Variants in ANOS1 observed in about 807,000 individuals in gnomAD.
ANOS1 encodes the protein anosmin-1.
In ANOS1, 6 loss-of-function variants were observed where a neutral mutation model predicts 59.0. The ratio of observed to expected loss-of-function variants is 0.10; its 90% CI spans 0.06 to 0.20. The LOEUF is 0.20. Ranked by LOEUF, ANOS1 falls within the 10% of genes least tolerant of loss-of-function variation. The pLI, the probability that ANOS1 is intolerant of heterozygous loss-of-function variation, is 1.00. For synonymous variants in ANOS1, 217 were observed against 223.4 expected (o/e 0.97, Z 0.25); for missense variants, 433 against 542.3 (o/e 0.80, Z 2.00).
At chrX:8,535,920 A>G in intron 11 of ANOS1, 109 bp from the exon 12 acceptor site, 1 of 598,036 alleles carries the variant, frequency 1.7e-6, no homozygotes. Flanking sequence ...ATATTAATAG[A>G]AGCAATGTGA....
chrX:8,576,591 C>A, intron 6 of ANOS1, among the ~76,000 whole-genome samples: 1 of 109,383 alleles, frequency 9.1e-6, no homozygotes, highest in Non-Finnish European at 1.9e-5. Context: ...AAACTCTATA[C>A]GTTATTATAA....
intron 1 of ANOS1, among the ~76,000 whole-genome samples, chrX:8,711,599 A>G (rs1932812855): frequency 8.9e-6 from 1 of 112,862 alleles, no homozygotes; most frequent in Non-Finnish European, 1.9e-5. Flanking sequence ...AGCTGGCAAG[A>G]TGCCAAGTTC....
In ANOS1 at chrX:8,626,860, CA is replaced by C. The variant is rs745349086; in HGVS notation, c.256-3191del. On this transcript the variant is annotated intron_variant, in intron 2 of 13. Coordinates refer to ENST00000262648, the MANE Select transcript of ANOS1 (RefSeq NM_000216.4). ...TGGGCGACAGAGTGATACTCCGTCT[CA>C]AAAAAAAAAAAAAAGAAAAGAAAAA... Among the ~76,000 whole-genome samples, 497 of 59,791 alleles carry C rather than the reference CA, an allele frequency of 8.3e-3. 1 individual carries two copies. The highest frequency in any genetic ancestry group is 0.024 in the African/African-American group (393 of 16,523). 51.9% of individuals were successfully genotyped at this position (59,791 alleles called of 115,157 possible). A position where few individuals can be genotyped will look rare whatever the true frequency, so the allele number is the denominator to read the frequency against.
chrX:8,610,988 C>G (rs772277431), intron 3 of ANOS1, among the ~76,000 whole-genome samples: 5 of 110,624 alleles, frequency 4.5e-5, no homozygotes, highest in Non-Finnish European at 9.4e-5. Flanking sequence ...AAAAAGGGAT[C>G]TACAGAAGCA....
chrX:8,606,131 C>T (rs12843724), intron 3 of ANOS1, among the ~76,000 whole-genome samples: 41,965 of 110,392 alleles, frequency 0.38, 5,801 homozygotes, highest in South Asian at 0.43. Flanking sequence ...AAAAGTTGTC[C>T]AATCCAAGTG....
intron 2 of ANOS1, among the ~76,000 whole-genome samples, chrX:8,691,499 AGATGGATGGATGGATG>A (rs747847381): frequency 1.8e-5 from 2 of 110,951 alleles, no homozygotes; most frequent in Non-Finnish European, 3.8e-5. Flanking sequence ...AGACAGATTA[AGATGGATGGATGGATG>A]GATGGATGGA....
intron 3 of ANOS1, among the ~76,000 whole-genome samples, chrX:8,598,398 T>C (rs1053754678): frequency 6.2e-5 from 7 of 112,258 alleles, no homozygotes; most frequent in African/African-American, 9.7e-5. Flanking sequence ...CAGCACTCGG[T>C]CATCCCTAAG....
chrX:8,547,246 T>C (rs1217005398), intron 9 of ANOS1, among the ~76,000 whole-genome samples: 3 of 111,507 alleles, frequency 2.7e-5, no homozygotes, highest in Non-Finnish European at 3.8e-5. Context: ...TGGCATACCA[T>C]ATAAGCTTCT....
chrX:8,561,610 C>A (rs1320422649), intron 8 of ANOS1, among the ~76,000 whole-genome samples: 1 of 108,697 alleles, frequency 9.2e-6, no homozygotes, highest in African/African-American at 3.4e-5. Context: ...CCACCGCGCC[C>A]AGCCGGCTAA....
At chrX:8,645,352 G>A (rs1398356797) in intron 2 of ANOS1, among the ~76,000 whole-genome samples, 1 of 111,802 alleles carries the variant, frequency 8.9e-6, no homozygotes, top group Non-Finnish European at 1.9e-5. Context: ...GGCAGAATGT[G>A]AATTGACAAA....
chrX:8,669,395 T>A (rs538164686), intron 2 of ANOS1, among the ~76,000 whole-genome samples: 1 of 111,470 alleles, frequency 9.0e-6, no homozygotes, highest in Admixed American at 9.6e-5. Context: ...TTAATAGTAA[T>A]GTATCGATAG....
chrX:8,641,364 A>C (rs2041062), intron 2 of ANOS1, among the ~76,000 whole-genome samples: 27,241 of 111,452 alleles, frequency 0.24, 2,520 homozygotes, highest in East Asian at 0.43. Flanking sequence ...ATGATATAAA[A>C]CAGCATTCCT....
chrX:8,573,993 A>G (rs1320197419), intron 6 of ANOS1, among the ~76,000 whole-genome samples: 1 of 111,208 alleles, frequency 9.0e-6, no homozygotes, highest in East Asian at 2.8e-4. Flanking sequence ...TGATGATTCT[A>G]TACTGCCAGA....
At chrX:8,557,297 T>C (rs1235157995) in intron 8 of ANOS1, among the ~76,000 whole-genome samples, 2 of 111,660 alleles carry the variant, frequency 1.8e-5, no homozygotes, top group African/African-American at 6.5e-5. Flanking sequence ...CCAAAAGCAA[T>C]TGCAACAAAA....
At chrX:8,667,934 G>C (rs1932178886) in intron 2 of ANOS1, among the ~76,000 whole-genome samples, 1 of 111,470 alleles carries the variant, frequency 9.0e-6, no homozygotes, top group Non-Finnish European at 1.9e-5. Flanking sequence ...TGCATAATGA[G>C]AAAAGAGGAA....
At chrX:8,618,509 A>G (rs1931215255) in intron 3 of ANOS1, among the ~76,000 whole-genome samples, 1 of 112,092 alleles carries the variant, frequency 8.9e-6, no homozygotes, top group Non-Finnish European at 1.9e-5. Context: ...CAATGCTGAC[A>G]TCCACTGAGT....
At chrX:8,728,683 T>C (rs1040990810) in intron 1 of ANOS1, among the ~76,000 whole-genome samples, 3 of 112,196 alleles carry the variant, frequency 2.7e-5, no homozygotes, top group Non-Finnish European at 3.8e-5. Context: ...CAGATACTAA[T>C]ATTTCAGGAG....
chrX:8,564,705 A>G (rs1372058242), intron 8 of ANOS1, among the ~76,000 whole-genome samples: 2 of 111,592 alleles, frequency 1.8e-5, no homozygotes, highest in Admixed American at 1.9e-4. Context: ...CTTAGAATAC[A>G]GAAGACAGGA....
chrX:8,608,503 A>T (rs1297336382), intron 3 of ANOS1, among the ~76,000 whole-genome samples: 1 of 112,068 alleles, frequency 8.9e-6, no homozygotes, highest in African/African-American at 3.2e-5. Context: ...CAAGAAAAAA[A>T]AATCTCATAT....
Sources: gnomAD v4.1 joint callset for allele counts (sites outside exome capture counted in the v4.1 genomes callset) on GRCh38, gnomAD v4.1.1 for gene constraint, MANE v1.5 for transcripts, NCBI Gene and HGNC (gene_info 2026-07-23, HGNC 2026-07-21) for gene names.